RAB28: variants seen among roughly 807,000 people sequenced by gnomAD.
RAB28 encodes the protein RAB28, member RAS oncogene family, also known as ras-related protein Rab-28.
Under a neutral mutation model 31.7 loss-of-function variants are expected in RAB28, and 24 were observed. That is an observed-to-expected ratio of 0.76 (90% CI 0.55 to 1.06). The LOEUF is 1.06. RAB28 is among the 50% of genes least tolerant of loss of function. RAB28 has a pLI of 0.00. For missense variants in RAB28, 254 were observed against 258.5 expected (o/e 0.98, Z 0.12); for synonymous variants, 100 against 90.4 (o/e 1.11, Z -0.60).
chr4:13,418,897 T>TA (rs1712952687), intron 4 of RAB28, among the ~76,000 whole-genome samples: 1 of 152,112 alleles, frequency 6.6e-6, no homozygotes, highest in African/African-American at 2.4e-5. Flanking sequence ...AATTCACACA[T>TA]AACAATACTT....
rs1715554507 is a variant in RAB28, at chr4:13,460,828, C to T, written c.262G>A (p.Gly88Arg). 1.2e-6 allele frequency: 2 copies of T among 1,609,048 alleles called. No individual in the cohort carries two copies. The highest frequency in any genetic ancestry group is 1.7e-4 in the Middle Eastern group (1 of 6,036). ...GTAATATCATATACCAAGAGGACTC[C>T]CTGTCACAAAAGAGTTACAAAATAT... ...MLDKYIYGAQ[G>R]VLLVYDITNY... The change falls in exon 4 of 7, where the codon GGA becomes AGA. Residue 88 changes from glycine to arginine, a missense_variant and splice_region_variant. Gly to Arg is a moderately radical substitution (Grantham distance 125). Transcript: ENST00000330852.
intron 4 of RAB28, among the ~76,000 whole-genome samples, chr4:13,390,421 C>G (rs1729574946): frequency 6.6e-6 from 1 of 151,886 alleles, no homozygotes. Flanking sequence ...AAAGAGGACA[C>G]AAACAAATGG....
chr4:13,399,647 T>C (rs1310091175), intron 4 of RAB28, among the ~76,000 whole-genome samples: 1 of 152,242 alleles, frequency 6.6e-6, no homozygotes, highest in Admixed American at 6.5e-5. Flanking sequence ...AAGAATCTCA[T>C]GATCTTATTT....
chr4:13,409,127 C>A (rs938485796), intron 4 of RAB28, among the ~76,000 whole-genome samples: 6 of 152,094 alleles, frequency 3.9e-5, no homozygotes, highest in African/African-American at 1.4e-4. Context: ...TCAAAAGTGA[C>A]ATTAATTAAC....
intron 4 of RAB28, among the ~76,000 whole-genome samples, chr4:13,397,519 T>C (rs1729920239): frequency 6.6e-6 from 1 of 152,110 alleles, no homozygotes; most frequent in African/African-American, 2.4e-5. Flanking sequence ...TTAAATCTAT[T>C]AACATATATT....
chr4:13,463,988 T>C (rs1043275339), intron 3 of RAB28, among the ~76,000 whole-genome samples: 1 of 152,064 alleles, frequency 6.6e-6, no homozygotes, highest in African/African-American at 2.4e-5. Context: ...ATCAGAAAAC[T>C]GATATTGCAA....
intron 6 of RAB28, chr4:13,371,968 A>T (rs1577145537): frequency 1.7e-6 from 2 of 1,185,632 alleles, no homozygotes; most frequent in African/African-American, 1.5e-5. Context: ...GCAGCCATGG[A>T]GGGCATAAGC....
intron 4 of RAB28, among the ~76,000 whole-genome samples, chr4:13,393,616 A>G (rs1040574015): frequency 8.5e-5 from 13 of 152,132 alleles, no homozygotes; most frequent in African/African-American, 2.9e-4. Flanking sequence ...TTCAAAAGAA[A>G]ATTTTAAATG....
At chr4:13,405,916 C>G (rs1385856465) in intron 4 of RAB28, among the ~76,000 whole-genome samples, 1 of 151,822 alleles carries the variant, frequency 6.6e-6, no homozygotes, top group Non-Finnish European at 1.5e-5. Flanking sequence ...TTTTTAAGTT[C>G]AAAAATAATT....
At chr4:13,395,873 G>A (rs1729854186) in intron 4 of RAB28, among the ~76,000 whole-genome samples, 1 of 151,930 alleles carries the variant, frequency 6.6e-6, no homozygotes, top group Admixed American at 6.6e-5. Context: ...AGTTTCCCAA[G>A]TATTTATTTT....
At chr4:13,415,579 C>T (rs967634274) in intron 4 of RAB28, among the ~76,000 whole-genome samples, 2 of 152,144 alleles carry the variant, frequency 1.3e-5, no homozygotes, top group African/African-American at 4.8e-5. Context: ...CCAGCAGTGC[C>T]GGCCCACTGG....
At chr4:13,371,726 C>G (rs943325046) in intron 6 of RAB28, 6 of 1,538,942 alleles carry the variant, frequency 3.9e-6, no homozygotes, top group Admixed American at 2.0e-5. Context: ...GGTGGTTTCA[C>G]TGTAGTCAGC....
Position 13,484,257 on chromosome 4 carries a change from C to T in RAB28, c.-107G>A. ...AGGGAGGTAGTTGCGGCAGGACCCC[C>T]GCCCCGGTGTCTCCGCGCCGGCAGG... is the stretch of plus-strand genomic sequence containing the variant. On this transcript the variant is annotated 5_prime_UTR_variant, in exon 1 of 7. Coordinates refer to ENST00000330852, the MANE Select transcript of RAB28 (RefSeq NM_001017979.3). 3.6e-6 allele frequency: 3 copies of T among 831,060 alleles called. No homozygotes were observed. Among genetic ancestry groups the T allele is most frequent in the Admixed American group, 2.1e-5 (1 of 47,336 alleles). 51.5% of individuals were successfully genotyped at this position (831,060 alleles called of 1,614,324 possible).
intron 3 of RAB28, among the ~76,000 whole-genome samples, chr4:13,467,429 T>C (rs1715913444): frequency 6.6e-6 from 1 of 151,894 alleles, no homozygotes; most frequent in South Asian, 2.1e-4. Flanking sequence ...TGTTAATTGA[T>C]ATAAAATACA....
At chr4:13,480,427 C>G (rs1577254553) in intron 1 of RAB28, among the ~76,000 whole-genome samples, 1 of 151,766 alleles carries the variant, frequency 6.6e-6, no homozygotes, top group South Asian at 2.1e-4. Flanking sequence ...GACAGACTCC[C>G]TACTTTAAGA....
At chr4:13,476,299 T>C (rs1276254493) in intron 2 of RAB28, among the ~76,000 whole-genome samples, 2 of 151,498 alleles carry the variant, frequency 1.3e-5, no homozygotes, top group African/African-American at 2.4e-5. Context: ...ATCTAAGAGG[T>C]TCATAGTCAT....
Position 13,381,596 on chromosome 4 carries a change from T to G in RAB28, c.392-2A>C. ...TTGTTCGCATATGCTCCAAATCAAC[T>G]AGAAAGGTGTTAAAGAAAGAAAATA... On this transcript the variant is annotated splice_acceptor_variant, in intron 4 of 6. Transcript: ENST00000330852. LOFTEE classifies it high-confidence loss of function. 1 of 1,603,492 alleles carries G rather than the reference T, an allele frequency of 6.2e-7. No homozygotes were observed. The highest frequency in any genetic ancestry group is 8.5e-7 in the Non-Finnish European group (1 of 1,173,118).
chr4:13,456,179 C>G (rs1476115783), intron 4 of RAB28, among the ~76,000 whole-genome samples: 6 of 152,074 alleles, frequency 3.9e-5, no homozygotes, highest in African/African-American at 1.4e-4. Flanking sequence ...AAAGAATGGC[C>G]CTACCCAACA....
chr4:13,383,483 A>T (rs1243047284), intron 4 of RAB28, among the ~76,000 whole-genome samples: 2 of 152,176 alleles, frequency 1.3e-5, no homozygotes, highest in African/African-American at 4.8e-5. Flanking sequence ...AATTGAAAAA[A>T]AAAGAACTTA....
Sources: gnomAD v4.1 joint callset for allele counts (sites outside exome capture counted in the v4.1 genomes callset) on GRCh38, gnomAD v4.1.1 for gene constraint, MANE v1.5 for transcripts, NCBI Gene and HGNC (gene_info 2026-07-23, HGNC 2026-07-21) for gene names.